Variants in GABRB2 observed in about 807,000 individuals in gnomAD.
GABRB2 encodes the protein gamma-aminobutyric acid receptor subunit beta-2.
A neutral mutation model predicts 54.7 loss-of-function variants in GABRB2; 16 were observed. That is an observed-to-expected ratio of 0.29 (90% confidence interval 0.20 to 0.44). The LOEUF is 0.44. GABRB2 is among the 20% of genes least tolerant of loss of function. GABRB2 has a pLI of 1.00. For missense variants in GABRB2, 355 were observed against 644.0 expected (o/e 0.55, Z 4.86); for synonymous variants, 244 against 233.8 (o/e 1.04, Z -0.40).
At chr5:161,337,585 G>T (rs558361463) in intron 5 of GABRB2, among the ~76,000 whole-genome samples, 2 of 152,174 alleles carry the variant, frequency 1.3e-5, no homozygotes, top group East Asian at 3.9e-4. Flanking sequence ...ATATAACAAA[G>T]ACATATTCTC....
intron 8 of GABRB2, chr5:161,329,490 G>T (rs966261392): frequency 5.3e-5 from 8 of 152,144 alleles, no homozygotes; most frequent in Non-Finnish European, 1.0e-4. Context: ...TTCTAAGCAA[G>T]AAGTGCCTTG....
At chr5:161,539,961 T>C (rs894517437) in intron 3 of GABRB2, among the ~76,000 whole-genome samples, 1 of 152,234 alleles carries the variant, frequency 6.6e-6, no homozygotes, top group Non-Finnish European at 1.5e-5. Flanking sequence ...TTTCTGCTGA[T>C]AGAATGTCTT....
chr5:161,343,016 G>C (rs1754217090), intron 5 of GABRB2, among the ~76,000 whole-genome samples: 1 of 152,038 alleles, frequency 6.6e-6, no homozygotes, highest in Non-Finnish European at 1.5e-5. Context: ...TGTATGCTCT[G>C]CACAGGTACA....
chr5:161,361,598 G>A (rs1754812804), intron 5 of GABRB2, among the ~76,000 whole-genome samples: 2 of 152,154 alleles, frequency 1.3e-5, no homozygotes, highest in South Asian at 4.1e-4. Context: ...AAGGAAAAAA[G>A]ACAAGAGAAT....
intron 3 of GABRB2, among the ~76,000 whole-genome samples, chr5:161,484,051 T>C (rs1312144839): frequency 6.6e-6 from 1 of 151,504 alleles, no homozygotes; most frequent in Non-Finnish European, 1.5e-5. Flanking sequence ...AAATTAAAGC[T>C]CAAAAACAAA....
intron 3 of GABRB2, among the ~76,000 whole-genome samples, chr5:161,494,579 A>G (rs1759174851): frequency 6.8e-6 from 1 of 146,168 alleles, no homozygotes; most frequent in African/African-American, 2.5e-5. Flanking sequence ...GTGTGTGTAC[A>G]ATTACTGACA....
At chr5:161,546,233 C>T in intron 2 of GABRB2, 89 bp downstream of exon 2, 3 of 1,026,162 alleles carry the variant, frequency 2.9e-6, no homozygotes, top group South Asian at 1.3e-5. Flanking sequence ...CACATGCACC[C>T]ACAACTAGGG....
At chr5:161,531,837 T>G (rs1760473168) in intron 3 of GABRB2, among the ~76,000 whole-genome samples, 1 of 152,050 alleles carries the variant, frequency 6.6e-6, no homozygotes, top group Non-Finnish European at 1.5e-5. Flanking sequence ...TCAGATATGT[T>G]TGATAACATA....
At chr5:161,473,846 A>G (rs1458882464) in intron 3 of GABRB2, among the ~76,000 whole-genome samples, 2 of 151,982 alleles carry the variant, frequency 1.3e-5, no homozygotes, top group Non-Finnish European at 2.9e-5. Context: ...TCTCCATTAC[A>G]GACTAGGAAA....
chr5:161,541,543 C>A lies in GABRB2; in HGVS notation c.237+3684G>T, dbSNP rs1010464995. On this transcript the variant is annotated intron_variant, in intron 3 of 9. Coordinates refer to ENST00000393959, the MANE Select transcript of GABRB2 (RefSeq NM_001371727.1). Reference sequence around the variant, plus strand: ...TACCTTGCATCTTCTGCATAAATTGCTGTAGCTTCTCCATCAGCATTTGCT... The same window carrying A: ...TACCTTGCATCTTCTGCATAAATTGATGTAGCTTCTCCATCAGCATTTGCT... Among the ~76,000 whole-genome samples the A allele has an allele frequency of 9.8e-5, 15 of 152,340 alleles. No individual in the cohort carries two copies. In the East Asian group the frequency reaches 2.1e-3, roughly 22 times the overall value.
chr5:161,304,157 T>C (rs1849173), intron 9 of GABRB2, among the ~76,000 whole-genome samples: 46,317 of 152,042 alleles, frequency 0.3, 10,095 homozygotes, highest in African/African-American at 0.59. Flanking sequence ...AAGTTCATCC[T>C]GCAATGAACT....
At chr5:161,363,522 T>C (rs1476794458) in intron 5 of GABRB2, among the ~76,000 whole-genome samples, 1 of 152,010 alleles carries the variant, frequency 6.6e-6, no homozygotes, top group African/African-American at 2.4e-5. Flanking sequence ...GAACTTAAAG[T>C]ATAATAAAAA....
At chr5:161,461,733 G>GT (rs1425066205) in intron 3 of GABRB2, among the ~76,000 whole-genome samples, 1 of 152,102 alleles carries the variant, frequency 6.6e-6, no homozygotes, top group Non-Finnish European at 1.5e-5. Context: ...CTACTTGAGG[G>GT]TTTTTTAAAA....
At chr5:161,367,032 T>C (rs1475844633) in intron 5 of GABRB2, among the ~76,000 whole-genome samples, 3 of 152,098 alleles carry the variant, frequency 2.0e-5, no homozygotes, top group Non-Finnish European at 2.9e-5. Context: ...TAAAGAAAAA[T>C]CAACCTTTTC....
intron 3 of GABRB2, among the ~76,000 whole-genome samples, chr5:161,492,762 G>GT (rs933538974): frequency 2.0e-5 from 3 of 151,624 alleles, no homozygotes; most frequent in African/African-American, 7.3e-5. Flanking sequence ...TCTGGTATGA[G>GT]TCAAACGGGA....
chr5:161,364,617 T>C (rs1457392620), intron 5 of GABRB2, among the ~76,000 whole-genome samples: 1 of 152,182 alleles, frequency 6.6e-6, no homozygotes, highest in East Asian at 1.9e-4. Context: ...TCCCTCTGTA[T>C]ACATAGGTGT....
At chr5:161,307,992 G>T (rs1757746045) in intron 9 of GABRB2, among the ~76,000 whole-genome samples, 1 of 151,578 alleles carries the variant, frequency 6.6e-6, no homozygotes, top group Admixed American at 6.6e-5. Context: ...CTGAGTAGCT[G>T]GGACTACAGG....
intron 3 of GABRB2, among the ~76,000 whole-genome samples, chr5:161,534,749 A>G (rs1233975610): frequency 6.6e-6 from 1 of 152,156 alleles, no homozygotes; most frequent in African/African-American, 2.4e-5. Flanking sequence ...GATTAACTGT[A>G]TTTATATTAC....
chr5:161,449,689 G>C (rs1028872337), intron 4 of GABRB2, among the ~76,000 whole-genome samples: 1 of 151,946 alleles, frequency 6.6e-6, no homozygotes, highest in Non-Finnish European at 1.5e-5. Flanking sequence ...GTGCCCTTAT[G>C]GGTGTGTGTA....
Sources: gnomAD v4.1 joint callset for allele counts (sites outside exome capture counted in the v4.1 genomes callset) on GRCh38, gnomAD v4.1.1 for gene constraint, MANE v1.5 for transcripts, NCBI Gene and HGNC (gene_info 2026-07-23, HGNC 2026-07-21) for gene names.